ZRANB2: variants seen among roughly 807,000 people sequenced by gnomAD.
ZRANB2 encodes the protein zinc finger Ran-binding domain-containing protein 2.
In ZRANB2, 19 loss-of-function variants were observed where a neutral mutation model predicts 53.4. The observed-to-expected ratio is 0.36, with a 90% CI of 0.25 to 0.52. The LOEUF (loss-of-function observed/expected upper bound fraction) is 0.52, where lower values mean the gene tolerates loss of function less well. Ranked by LOEUF, ZRANB2 falls within the 20% of genes least tolerant of loss-of-function variation. The probability of loss-of-function intolerance (pLI) is 0.93; values close to 1 mark genes in which losing one functional copy is unlikely to be tolerated. For synonymous variants in ZRANB2, 145 were observed against 134.8 expected, an observed-to-expected ratio of 1.08 and a Z score of -0.52; for missense variants, 309 against 401.1, an observed-to-expected ratio of 0.77 and a Z score of 1.96.
intron 4 of ZRANB2, 66 bp from the exon 5 acceptor site, chr1:71,072,614 C>G: frequency 8.1e-7 from 1 of 1,234,694 alleles, no homozygotes; most frequent in Non-Finnish European, 1.2e-6. Flanking sequence ...ACATCATGCC[C>G]AAATCTCCAG....
At chr1:71,076,758 A>G (rs1158016421) in intron 4 of ZRANB2, 37 bp downstream of exon 4, 2 of 1,506,026 alleles carry the variant, frequency 1.3e-6, no homozygotes, top group Admixed American at 1.8e-5. Flanking sequence ...TAGTGCTTTA[A>G]AAAAAATCAT....
rs1661362178 is a variant in ZRANB2 at position 71,063,900 on chromosome 1, C to A, written c.*1174G>T. On this transcript the variant is annotated 3_prime_UTR_variant, in exon 10 of 10. Coordinates refer to ENST00000370920, the MANE Select transcript of ZRANB2 (RefSeq NM_203350.3). ...TCCCATAACAAAAAGCCCCCAAGCA[C>A]AACTGTTGATTTCCTTTGATATACT... 2.0e-5 allele frequency: 3 copies of A among 152,304 alleles called. No homozygotes were observed. The Admixed American group carries it at 2.0e-4, about 10-fold the overall frequency. 9.4% of individuals were successfully genotyped at this position (152,304 alleles called of 1,614,324 possible).
rs962771055 is a variant in ZRANB2 at position 71,063,763 on chromosome 1, A to G, written c.*1311T>C. On this transcript the variant is annotated 3_prime_UTR_variant, in exon 10 of 10. Transcript: ENST00000370920. ...AGCTGAAGAGAAAAACATTCACTTT[A>G]AAGTAAAAACATATATTTTTGTTTG... is the stretch of plus-strand genomic sequence containing the variant. 7 of 152,434 alleles carry G rather than the reference A, an allele frequency of 4.6e-5. No individual in the cohort carries two copies. Among genetic ancestry groups the G allele is most frequent in the Admixed American group, 1.3e-4 (2 of 15,244 alleles). 9.4% of individuals were successfully genotyped at this position (152,434 alleles called of 1,614,324 possible).
intron 3 of ZRANB2, among the ~76,000 whole-genome samples, chr1:71,077,411 T>C (rs1661732366): frequency 6.6e-6 from 1 of 152,208 alleles, no homozygotes; most frequent in African/African-American, 2.4e-5. Context: ...AAGAGTATGG[T>C]TATACCCTAT....
intron 4 of ZRANB2, among the ~76,000 whole-genome samples, chr1:71,075,771 G>C (rs1386503339): frequency 6.6e-6 from 1 of 151,984 alleles, no homozygotes; most frequent in African/African-American, 2.4e-5. Flanking sequence ...TTACCCAATC[G>C]GTGGAAAGGC....
intron 4 of ZRANB2, among the ~76,000 whole-genome samples, chr1:71,075,736 G>T (rs558697404): frequency 6.6e-6 from 1 of 152,026 alleles, no homozygotes. Flanking sequence ...AGAAAAAAAC[G>T]AGATCCTTGT....
intron 1 of ZRANB2, among the ~76,000 whole-genome samples, chr1:71,080,647 G>A (rs1178380135): frequency 7.0e-6 from 1 of 143,592 alleles, no homozygotes; most frequent in Non-Finnish European, 1.5e-5. Flanking sequence ...ACCTGGCCGG[G>A]GCGGGGGAGG....
intron 4 of ZRANB2, among the ~76,000 whole-genome samples, chr1:71,076,535 AGAG>A (rs570773695): frequency 6.8e-4 from 103 of 152,328 alleles, no homozygotes; most frequent in Non-Finnish European, 1.1e-3. Context: ...AGTGAAAGGG[AGAG>A]GAGGAGAATA....
intron 9 of ZRANB2, 139 bp downstream of exon 9, chr1:71,066,637 T>C: frequency 3.8e-6 from 3 of 790,160 alleles, no homozygotes; most frequent in Non-Finnish European, 5.8e-6. Context: ...CAAAGTAATG[T>C]TTTTTTGAAG....
intron 8 of ZRANB2, among the ~76,000 whole-genome samples, chr1:71,068,937 A>G (rs1661529161): frequency 6.6e-6 from 1 of 151,954 alleles, no homozygotes; most frequent in South Asian, 2.1e-4. Flanking sequence ...TATAGGCATG[A>G]ATCACTGTGC....
Position 71,070,934 on chromosome 1 carries a change from ATCT to A in ZRANB2, c.573_575del (p.Glu191del), listed in dbSNP as rs747445474. 1.4e-5 allele frequency: 23 copies of A among 1,611,210 alleles called. No homozygotes were observed. Among genetic ancestry groups the A allele is most frequent in the South Asian group, 2.2e-5 (2 of 90,758 alleles). On this transcript the variant is annotated inframe_deletion, in exon 7 of 10. Coordinates refer to ENST00000370920, the MANE Select transcript of ZRANB2 (RefSeq NM_203350.3). ...GTCTATTAGATTTCTTTTTATTACTATCTTCTTCTTCACTGGCATCAAGATTAT... is the reference window on the plus strand; with the variant it reads ...GTCTATTAGATTTCTTTTTATTACTATCTTCTTCACTGGCATCAAGATTAT...
intron 4 of ZRANB2, 133 bp from the exon 5 acceptor site, chr1:71,072,681 C>T (rs1661620216): frequency 1.6e-6 from 1 of 617,102 alleles, no homozygotes; most frequent in South Asian, 2.4e-5. Flanking sequence ...AATTACTAGT[C>T]TTTAGAAAGC....
Position 71,064,138 on chromosome 1 carries a change from T to C in ZRANB2, c.*936A>G, listed in dbSNP as rs1382924179. ...CATTCATTTGTTATTCAGAAGAAAATTGTATGCAGTGTGTTTATAGTTAAC... is the reference window on the plus strand; with the variant it reads ...CATTCATTTGTTATTCAGAAGAAAACTGTATGCAGTGTGTTTATAGTTAAC... On this transcript the variant is annotated 3_prime_UTR_variant, in exon 10 of 10. Transcript: ENST00000370920. The C allele has an allele frequency of 2.6e-5, 4 of 152,498 alleles. No individual in the cohort carries two copies. The highest frequency in any genetic ancestry group is 1.9e-4 in the East Asian group (1 of 5,186). 9.4% of individuals were successfully genotyped at this position (152,498 alleles called of 1,614,324 possible).
chr1:71,079,639 A>C (rs1661791258), intron 1 of ZRANB2, among the ~76,000 whole-genome samples: 1 of 152,218 alleles, frequency 6.6e-6, no homozygotes, highest in South Asian at 2.1e-4. Flanking sequence ...GCATTTAAAC[A>C]TATTGTACAA....
intron 8 of ZRANB2, 124 bp downstream of exon 8, chr1:71,069,152 G>A: frequency 8.4e-6 from 6 of 715,718 alleles, no homozygotes; most frequent in Non-Finnish European, 1.4e-5. Flanking sequence ...AAGTGCATTA[G>A]TTTTCTAATG....
chr1:71,066,577 A>AT (rs1324051810), intron 9 of ZRANB2, 199 bp downstream of exon 9: 13 of 428,964 alleles, frequency 3.0e-5, no homozygotes, highest in African/African-American at 2.7e-4. Flanking sequence ...TGATCAAAGA[A>AT]TGGTTTGATC....
chr1:71,077,017 G>C (rs1209205202), intron 3 of ZRANB2, 140 bp from the exon 4 acceptor site: 1 of 685,638 alleles, frequency 1.5e-6, no homozygotes, highest in Non-Finnish European at 2.4e-6. Context: ...TGTAAACAAA[G>C]AAAATGTACA....
intron 2 of ZRANB2, 34 bp from the exon 3 acceptor site, chr1:71,078,599 G>C: frequency 1.9e-6 from 3 of 1,610,786 alleles, no homozygotes; most frequent in South Asian, 1.1e-5. Context: ...TATGAACCTG[G>C]AGAAATAAAT....
intron 1 of ZRANB2, among the ~76,000 whole-genome samples, chr1:71,080,119 CAACA>C (rs1320257900): frequency 6.6e-6 from 1 of 152,082 alleles, no homozygotes; most frequent in African/African-American, 2.4e-5. Context: ...AACTTAGGTA[CAACA>C]AATAAAAGGC....
Sources: allele counts gnomAD v4.1 joint callset (sites outside exome capture counted in the v4.1 genomes callset), GRCh38; gene constraint gnomAD v4.1.1; transcripts MANE v1.5; gene names NCBI Gene and HGNC (gene_info 2026-07-23, HGNC 2026-07-21).